KCNH7: variants seen among roughly 807,000 people sequenced by gnomAD.
KCNH7 encodes the protein voltage-gated inwardly rectifying potassium channel KCNH7.
A neutral mutation model predicts 120.8 loss-of-function variants in KCNH7; 49 were observed. The observed-to-expected ratio is 0.41, with a 90% CI of 0.32 to 0.51. KCNH7 has a LOEUF of 0.51. Ranked by LOEUF, KCNH7 falls within the 20% of genes least tolerant of loss-of-function variation. The probability of loss-of-function intolerance (pLI) is 0.38; values close to 1 mark genes in which losing one functional copy is unlikely to be tolerated. For missense variants in KCNH7, 1,097 were observed against 1,446.6 expected (o/e 0.76, Z 3.92); for synonymous variants, 547 against 516.1 (o/e 1.06, Z -0.81).
At chr2:162,730,191 G>A (rs1687677516) in intron 2 of KCNH7, among the ~76,000 whole-genome samples, 1 of 151,040 alleles carries the variant, frequency 6.6e-6, no homozygotes, top group African/African-American at 2.4e-5. Flanking sequence ...AAGAACCATG[G>A]ATCCAAAATA....
chr2:162,524,469 CCA>C (rs1280236667), intron 3 of KCNH7, among the ~76,000 whole-genome samples: 1 of 151,992 alleles, frequency 6.6e-6, no homozygotes. Context: ...GGGCTTAGGG[CCA>C]CAGTGTCCAG....
chr2:162,735,510 G>T (rs994565306), intron 2 of KCNH7, among the ~76,000 whole-genome samples: 6 of 152,070 alleles, frequency 3.9e-5, no homozygotes, highest in African/African-American at 7.2e-5. Context: ...TGTCACTATT[G>T]CAAACTTTAA....
At chr2:162,766,733 T>C (rs543955101) in intron 2 of KCNH7, among the ~76,000 whole-genome samples, 1 of 152,168 alleles carries the variant, frequency 6.6e-6, no homozygotes, top group East Asian at 1.9e-4. Context: ...AAATTCAACA[T>C]ACACAAAAGT....
At chr2:162,398,355 C>T (rs112681127) in intron 10 of KCNH7, among the ~76,000 whole-genome samples, 1 of 151,842 alleles carries the variant, frequency 6.6e-6, no homozygotes, top group African/African-American at 2.4e-5. Context: ...AGAAATCAAA[C>T]ACTGTATCTT....
intron 2 of KCNH7, among the ~76,000 whole-genome samples, chr2:162,697,753 T>A (rs1012817669): frequency 2.0e-5 from 3 of 152,032 alleles, no homozygotes; most frequent in African/African-American, 7.2e-5. Context: ...TCCAAAATAA[T>A]AATAATAATA....
intron 5 of KCNH7, 70 bp from the exon 6 acceptor site, chr2:162,504,727 C>T: frequency 2.1e-6 from 2 of 945,190 alleles, no homozygotes; most frequent in Non-Finnish European, 3.3e-6. Context: ...TTCTGAATGC[C>T]CTGCTAATGA....
chr2:162,487,710 A>AG (rs1430023913), intron 6 of KCNH7, among the ~76,000 whole-genome samples: 1 of 152,198 alleles, frequency 6.6e-6, no homozygotes, highest in Non-Finnish European at 1.5e-5. Context: ...ATAGAGCTAG[A>AG]GGGGGAAAAT....
intron 2 of KCNH7, among the ~76,000 whole-genome samples, chr2:162,718,915 T>C (rs577956180): frequency 2.0e-5 from 3 of 152,098 alleles, no homozygotes; most frequent in South Asian, 4.1e-4. Context: ...ACATGTTGTA[T>C]GGCTATCCAA....
chr2:162,578,560 T>C (rs776622271), intron 2 of KCNH7, among the ~76,000 whole-genome samples: 12 of 151,912 alleles, frequency 7.9e-5, no homozygotes, highest in Non-Finnish European at 1.3e-4. Context: ...AGCATGACAC[T>C]GGAAACTTAG....
At chr2:162,823,772 A>G (rs1371265776) in intron 2 of KCNH7, among the ~76,000 whole-genome samples, 1 of 152,146 alleles carries the variant, frequency 6.6e-6, no homozygotes, top group African/African-American at 2.4e-5. Flanking sequence ...CCATCCAACT[A>G]AAGTGGTTAA....
At chr2:162,747,727 G>C (rs1688362220) in intron 2 of KCNH7, among the ~76,000 whole-genome samples, 1 of 152,168 alleles carries the variant, frequency 6.6e-6, no homozygotes, top group Non-Finnish European at 1.5e-5. Context: ...TAACCAGGTA[G>C]TTTGATGTTA....
intron 2 of KCNH7, among the ~76,000 whole-genome samples, chr2:162,609,621 T>C (rs1450960468): frequency 6.6e-6 from 1 of 152,126 alleles, no homozygotes; most frequent in Non-Finnish European, 1.5e-5. Flanking sequence ...GATGAGTTAG[T>C]TAAGGGAGAA....
chr2:162,758,341 A>G (rs1377437890), intron 2 of KCNH7, among the ~76,000 whole-genome samples: 3 of 152,182 alleles, frequency 2.0e-5, no homozygotes, highest in Admixed American at 6.5e-5. Flanking sequence ...TCTTTAGTCA[A>G]ACTGAGACAC....
At chr2:162,420,756 G>A (rs750876698) in intron 9 of KCNH7, among the ~76,000 whole-genome samples, 11 of 152,122 alleles carry the variant, frequency 7.2e-5, no homozygotes, top group Non-Finnish European at 1.5e-4. Flanking sequence ...AATGTTTCGT[G>A]AGAAATTATA....
intron 3 of KCNH7, among the ~76,000 whole-genome samples, chr2:162,524,848 A>G (rs1042775491): frequency 1.3e-5 from 2 of 151,940 alleles, no homozygotes; most frequent in African/African-American, 4.8e-5. Context: ...ACTCCTACAT[A>G]TGTAGGAAGG....
intron 2 of KCNH7, among the ~76,000 whole-genome samples, chr2:162,758,009 T>A (rs1156784639): frequency 6.6e-6 from 1 of 152,138 alleles, no homozygotes; most frequent in Non-Finnish European, 1.5e-5. Context: ...TATCAACTCT[T>A]AAAGGAGATT....
chr2:162,493,810 T>C (rs1690406268), intron 6 of KCNH7, among the ~76,000 whole-genome samples: 1 of 152,184 alleles, frequency 6.6e-6, no homozygotes, highest in African/African-American at 2.4e-5. Context: ...GGCATGAGAA[T>C]GTAAATTTTT....
chr2:162,673,196 A>G (rs1311379326), intron 2 of KCNH7, among the ~76,000 whole-genome samples: 1 of 152,046 alleles, frequency 6.6e-6, no homozygotes, highest in African/African-American at 2.4e-5. Flanking sequence ...CTACAATTGT[A>G]CTGATGCCAA....
At chr2:162,528,165 A>G (rs1409267483) in intron 3 of KCNH7, 1 of 152,024 alleles carries the variant, frequency 6.6e-6, no homozygotes, top group Non-Finnish European at 1.5e-5. Flanking sequence ...TCTTCTACGA[A>G]CATGTATTAG....
Sources: allele counts gnomAD v4.1 joint callset (sites outside exome capture counted in the v4.1 genomes callset), GRCh38; gene constraint gnomAD v4.1.1; transcripts MANE v1.5; gene names NCBI Gene and HGNC (gene_info 2026-07-23, HGNC 2026-07-21).